BRAF: variants seen among roughly 807,000 people sequenced by gnomAD.
BRAF encodes the protein serine/threonine-protein kinase B-raf.
In BRAF, 16 loss-of-function variants were observed where a neutral mutation model predicts 104.6. That is an observed-to-expected ratio of 0.15 (90% CI 0.10 to 0.23). The LOEUF is 0.23. BRAF is among the 10% of genes least tolerant of loss of function. The pLI, the probability that BRAF is intolerant of heterozygous loss-of-function variation, is 1.00. For missense variants in BRAF, 541 were observed against 937.3 expected (o/e 0.58, Z 5.52); for synonymous variants, 310 against 341.6 (o/e 0.91, Z 1.02).
chr7:140,776,431 A>G (rs1800343393), intron 14 of BRAF, among the ~76,000 whole-genome samples: 1 of 152,224 alleles, frequency 6.6e-6, no homozygotes, highest in African/African-American at 2.4e-5. Context: ...TAAATTGCAT[A>G]GCAAAATTCA....
rs371858629 is a variant in BRAF, at chr7:140,752,347, T to C, written c.1980+928A>G. 4.2e-4 allele frequency among the ~76,000 whole-genome samples: 64 copies of C among 152,316 alleles called. 1 individual carries two copies. In the East Asian group the frequency reaches 0.012, roughly 29 times the overall value. ...ATGAGTGGCCTGTGATTCTCCTCAA[T>C]GTCTGGCTTAACAGCAGCCAGCTGG... On this transcript the variant is annotated intron_variant, in intron 16 of 19. Coordinates refer to ENST00000644969, the MANE Select transcript of BRAF (RefSeq NM_001374258.1).
chr7:140,783,425 A>G, intron 10 of BRAF: 1 of 340,628 alleles, frequency 2.9e-6, no homozygotes, highest in East Asian at 4.5e-5. Context: ...AAAATCTAGG[A>G]GAAAAACAAT....
rs879311681 is a variant in BRAF at position 140,725,634 on chromosome 7, G to A, written c.*860C>T. The A allele has an allele frequency of 1.1e-4, 120 of 1,058,474 alleles. No individual in the cohort carries two copies. Among genetic ancestry groups the A allele is most frequent in the Non-Finnish European group, 1.3e-4 (114 of 875,172 alleles). The allele number at this position is 1,058,474 out of a possible 1,614,324, so 65.6% of individuals were successfully genotyped here. Reference sequence around the variant, plus strand: ...GACAAAGTAGCCGCATAAGTAGTTGGTGACTGGAAGAGCATAGGAGGAAGA... The same window carrying A: ...GACAAAGTAGCCGCATAAGTAGTTGATGACTGGAAGAGCATAGGAGGAAGA... On this transcript the variant is annotated 3_prime_UTR_variant, in exon 20 of 20. Transcript: ENST00000644969.
intron 1 of BRAF, among the ~76,000 whole-genome samples, chr7:140,906,748 TG>T (rs1222516556): frequency 6.6e-6 from 1 of 152,224 alleles, no homozygotes; most frequent in Non-Finnish European, 1.5e-5. Flanking sequence ...GCAGTTATTT[TG>T]AGAATATATG....
chr7:140,739,553 TAA>T (rs1796734614), intron 18 of BRAF, among the ~76,000 whole-genome samples: 1 of 151,612 alleles, frequency 6.6e-6, no homozygotes, highest in African/African-American at 2.4e-5. Flanking sequence ...TTTAAATGTG[TAA>T]AAGAGTTCAA....
chr7:140,912,461 C>A (rs1817092119), intron 1 of BRAF, among the ~76,000 whole-genome samples: 2 of 152,192 alleles, frequency 1.3e-5, no homozygotes, highest in African/African-American at 2.4e-5. Context: ...TTCCCTCTTA[C>A]CTCTTCTAAG....
intron 3 of BRAF, among the ~76,000 whole-genome samples, chr7:140,811,045 A>G (rs558964793): frequency 1.3e-5 from 2 of 152,306 alleles, no homozygotes; most frequent in Admixed American, 1.3e-4. Context: ...GAGTAAGTAC[A>G]TGTGTTAGGC....
Position 140,723,717 on chromosome 7 carries a change from T to TA in BRAF, c.*2776dup. 4.8e-6 allele frequency: 5 copies of TA among 1,050,466 alleles called. No individual in the cohort carries two copies. Among genetic ancestry groups the TA allele is most frequent in the Non-Finnish European group, 2.3e-6 (2 of 869,912 alleles). 65.1% of individuals were successfully genotyped at this position (1,050,466 alleles called of 1,614,324 possible). A position where few individuals can be genotyped will look rare whatever the true frequency, so the allele number is the denominator to read the frequency against. ...AGGCTTCACCTCTCCCTACCAAAAA[T>TA]AAAACACACTACAGAAGGCACTGCA... On this transcript the variant is annotated 3_prime_UTR_variant, in exon 20 of 20. Coordinates refer to ENST00000644969, the MANE Select transcript of BRAF (RefSeq NM_001374258.1).
At chr7:140,714,183 G>A in the BRAF span, among the ~76,000 whole-genome samples, 1 of 152,198 alleles carries the variant, frequency 6.6e-6, no homozygotes, top group East Asian at 1.9e-4. Flanking sequence ...CACGCTGGGA[G>A]CTGCAGACGG....
intron 3 of BRAF, among the ~76,000 whole-genome samples, chr7:140,832,813 CT>C (rs1255047832): frequency 6.6e-6 from 1 of 150,834 alleles, no homozygotes; most frequent in African/African-American, 2.4e-5. Context: ...AAATTATAAG[CT>C]TTAGTGATAC....
downstream of BRAF, among the ~76,000 whole-genome samples, chr7:140,715,510 T>C (rs1410741366): frequency 6.6e-6 from 1 of 152,168 alleles, no homozygotes; most frequent in Non-Finnish European, 1.5e-5. Flanking sequence ...TCTACAACAG[T>C]GAACTCAGGA....
intron 14 of BRAF, among the ~76,000 whole-genome samples, chr7:140,760,620 GT>G (rs975297081): frequency 1.3e-5 from 2 of 151,672 alleles, no homozygotes; most frequent in East Asian, 1.9e-4. Context: ...GACCCCAAAA[GT>G]TTTTTTTAAT....
chr7:140,916,940 G>A (rs1586650500), intron 1 of BRAF, among the ~76,000 whole-genome samples: 1 of 152,068 alleles, frequency 6.6e-6, no homozygotes, highest in South Asian at 2.1e-4. Flanking sequence ...ATTAGCCTAA[G>A]AAAACACACA....
chr7:140,875,807 G>A (rs557250603), intron 1 of BRAF, among the ~76,000 whole-genome samples: 21 of 152,230 alleles, frequency 1.4e-4, no homozygotes, highest in Middle Eastern at 3.4e-3. Context: ...AGTGCTGAAA[G>A]AGAAAAAAAC....
chr7:140,769,025 T>C (rs1482336187), intron 14 of BRAF, among the ~76,000 whole-genome samples: 1 of 152,042 alleles, frequency 6.6e-6, no homozygotes, highest in Non-Finnish European at 1.5e-5. Context: ...AAACAACAAA[T>C]TACCCAGCCT....
In BRAF at chr7:140,814,860, A is replaced by C. The variant is rs190281502; in HGVS notation, c.505-5865T>G. ...ATATATAAAAGTTTCCATAGTAAAA[A>C]GTTTTTTAAAAAAACAGTTGTTCTA... is the stretch of plus-strand genomic sequence containing the variant. On this transcript the variant is annotated intron_variant, in intron 3 of 19. Coordinates refer to ENST00000644969, the MANE Select transcript of BRAF (RefSeq NM_001374258.1). Among the ~76,000 whole-genome samples, 1,190 of 146,656 alleles carry C rather than the reference A, an allele frequency of 8.1e-3. 21 individuals carry two copies. Among genetic ancestry groups the C allele is most frequent in the African/African-American group, 0.028 (1,117 of 39,852 alleles).
chr7:140,784,474 C>T (rs868482796), intron 10 of BRAF, among the ~76,000 whole-genome samples: 1 of 152,164 alleles, frequency 6.6e-6, no homozygotes, highest in East Asian at 1.9e-4. Context: ...GTATTACTCA[C>T]TACTGTATGA....
intron 16 of BRAF, 79 bp from the exon 16 acceptor site, chr7:140,749,497 G>A (rs1797616727): frequency 6.8e-7 from 1 of 1,475,616 alleles, no homozygotes; most frequent in African/African-American, 1.4e-5. Flanking sequence ...AATTCCTAGA[G>A]CAATGCTTTT....
chr7:140,884,429 A>ATGTG (rs71170770), intron 1 of BRAF, among the ~76,000 whole-genome samples: 4,800 of 127,312 alleles, frequency 0.038, 109 homozygotes, highest in East Asian at 0.069. Context: ...TATATAAGAT[A>ATGTG]TGTGTGTGTG....
Sources: allele counts gnomAD v4.1 joint callset (sites outside exome capture counted in the v4.1 genomes callset), GRCh38; gene constraint gnomAD v4.1.1; transcripts MANE v1.5; gene names NCBI Gene and HGNC (gene_info 2026-07-23, HGNC 2026-07-21).